Variants in ANAPC5 observed in about 807,000 individuals in gnomAD.
The protein encoded by ANAPC5 is anaphase promoting complex subunit 5, also known as anaphase-promoting complex subunit 5.
Under a neutral mutation model 91.3 loss-of-function variants are expected in ANAPC5, and 60 were observed. That is an observed-to-expected ratio of 0.66 (90% CI 0.53 to 0.81). ANAPC5 has a LOEUF of 0.81. Ranked by LOEUF, ANAPC5 falls within the 40% of genes least tolerant of loss-of-function variation. The pLI, the probability that ANAPC5 is intolerant of heterozygous loss-of-function variation, is 0.00. For missense variants in ANAPC5, 690 were observed against 931.5 expected (o/e 0.74, Z 3.37); for synonymous variants, 340 against 364.1 (o/e 0.93, Z 0.75).
At chr12:121,339,226 T>G (rs1209148389) in intron 5 of ANAPC5, among the ~76,000 whole-genome samples, 2 of 151,994 alleles carry the variant, frequency 1.3e-5, no homozygotes, top group Non-Finnish European at 2.9e-5. Context: ...ATTTTTTGTA[T>G]TTTCAGTAGA....
In ANAPC5 at chr12:121,328,481, C is replaced by T. The variant is rs1555272549; in HGVS notation, c.1139G>A (p.Gly380Glu). The T allele has an allele frequency of 2.5e-6, 4 of 1,613,768 alleles. No homozygotes were observed. The highest frequency in any genetic ancestry group is 3.4e-6 in the Non-Finnish European group (4 of 1,179,972). The change falls in exon 10 of 17, where the codon GGA becomes GAA. Residue 380 changes from glycine (G) to glutamate (E), a missense_variant. By Grantham distance (98) the Gly-to-Glu change is moderately conservative. Around this residue, in one of 5 missense-constraint regions of ANAPC5, gnomAD observed 16 missense variants for 49.5 expected, o/e 0.32. Transcript: ENST00000261819. ...TCTCTGTTGAACAAGGGACTGTATT[C>T]CCAGGGAGGCGAGGTACTAAGGGGA... ...HFGLPYLASL[G>E]IQSLVQQRAF...
intron 11 of ANAPC5, among the ~76,000 whole-genome samples, chr12:121,323,073 C>T (rs1400306259): frequency 6.6e-6 from 1 of 152,112 alleles, no homozygotes; most frequent in African/African-American, 2.4e-5. Flanking sequence ...GTGGAAATGA[C>T]AGGCACTTTT....
At chr12:121,351,989 G>T in intron 1 of ANAPC5, 145 bp downstream of exon 1, 1 of 759,470 alleles carries the variant, frequency 1.3e-6, no homozygotes. Flanking sequence ...TTAGCTACCG[G>T]TAGTAGCTAT....
At position 121,309,690 on chromosome 12, in the gene ANAPC5, C is replaced by G; in HGVS notation, c.2056+11G>C. The stretch of plus-strand genomic sequence containing the variant: ...ATAGCATTGCCTAACAGTCTTCGTA[C>G]AGCTTCCTACCTTCTGCTTTCTTCG... On this transcript the variant is annotated intron_variant, in intron 16 of 16. Coordinates refer to ENST00000261819, the MANE Select transcript of ANAPC5 (RefSeq NM_016237.5). 1 of 1,611,232 alleles carries G rather than the reference C, an allele frequency of 6.2e-7. No homozygotes were observed. Among genetic ancestry groups the G allele is most frequent in the Non-Finnish European group, 8.5e-7 (1 of 1,178,696 alleles).
intron 15 of ANAPC5, among the ~76,000 whole-genome samples, chr12:121,315,170 GT>G (rs1593574624): frequency 6.6e-6 from 1 of 152,002 alleles, no homozygotes; most frequent in East Asian, 1.9e-4. Flanking sequence ...AAAAATAAAT[GT>G]TTAAAAAAAT....
chr12:121,322,139 C>T (rs1428431861), intron 11 of ANAPC5, among the ~76,000 whole-genome samples: 1 of 150,694 alleles, frequency 6.6e-6, no homozygotes, highest in African/African-American at 2.4e-5. Context: ...GCTGGGATTA[C>T]AGGCGTGAGC....
At chr12:121,347,410 G>T in intron 2 of ANAPC5, 1 of 251,416 alleles carries the variant, frequency 4.0e-6, no homozygotes, top group Non-Finnish European at 7.6e-6. Context: ...CGGAGGGATT[G>T]CTTGAGCCCA....
At chr12:121,336,299 A>G (rs1455740136) in intron 6 of ANAPC5, among the ~76,000 whole-genome samples, 2 of 152,190 alleles carry the variant, frequency 1.3e-5, no homozygotes, top group Non-Finnish European at 2.9e-5. Flanking sequence ...TCCGAGTAAA[A>G]AATCCATTAA....
intron 15 of ANAPC5, 174 bp downstream of exon 15, chr12:121,318,103 C>G (rs577067075): frequency 4.5e-6 from 3 of 661,504 alleles, no homozygotes; most frequent in Admixed American, 4.1e-5. Flanking sequence ...CAGTTTGTCA[C>G]CAGGTTCACA....
intron 9 of ANAPC5, 76 bp from the exon 10 acceptor site, chr12:121,328,573 T>A: frequency 7.2e-7 from 1 of 1,386,432 alleles, no homozygotes; most frequent in Non-Finnish European, 1.0e-6. Flanking sequence ...AGAAATGTGG[T>A]GGATTTCACA....
chr12:121,345,519 G>A (rs1903631929), intron 4 of ANAPC5, among the ~76,000 whole-genome samples: 1 of 152,132 alleles, frequency 6.6e-6, no homozygotes, highest in South Asian at 2.1e-4. Flanking sequence ...ACCCCCTGAA[G>A]GAGTGCAGAA....
At chr12:121,347,044 C>G (rs782548790) in intron 2 of ANAPC5, 39 bp from the exon 3 acceptor site, 1 of 1,312,404 alleles carries the variant, frequency 7.6e-7, no homozygotes, top group Non-Finnish European at 1.1e-6. Context: ...TAGAAAGGCC[C>G]TTTGAATAAT....
In ANAPC5 at chr12:121,342,525, T is replaced by G. The variant is rs1903498035; in HGVS notation, c.591-456A>C. Among the ~76,000 whole-genome samples the G allele has an allele frequency of 1.3e-5, 2 of 152,064 alleles. No individual in the cohort carries two copies. Among genetic ancestry groups the G allele is most frequent in the Admixed American group, 1.3e-4 (2 of 15,270 alleles). ...CCACCTGCTAGTAATAAAAAATAAA[T>G]AATACATTTTTAAATAAAAAAAATT... On this transcript the variant is annotated intron_variant, in intron 4 of 16. Coordinates refer to ENST00000261819, the MANE Select transcript of ANAPC5 (RefSeq NM_016237.5). This position sits in a 1 kb window ranked among gnomAD's most constrained non-coding sequence, Gnocchi z 4.1.
rs758345264 is a variant in ANAPC5, at chr12:121,308,371, T to C, written c.*109A>G. The C allele has an allele frequency of 8.2e-5, 68 of 829,564 alleles. No individual in the cohort carries two copies. The highest frequency in any genetic ancestry group is 1.2e-4 in the Non-Finnish European group (62 of 520,548). The allele number at this position is 829,564 out of a possible 1,614,324, so 51.4% of individuals were successfully genotyped here. A position where few individuals can be genotyped will look rare whatever the true frequency, so the allele number is the denominator to read the frequency against. The stretch of plus-strand genomic sequence containing the variant: ...ATAAGACAAACTAATCAGAATGCTG[T>C]TTATTGACAAGATAGGGTGTCACAA... On this transcript the variant is annotated 3_prime_UTR_variant, in exon 17 of 17. Coordinates refer to ENST00000261819, the MANE Select transcript of ANAPC5 (RefSeq NM_016237.5).
chr12:121,330,500 C>A, intron 9 of ANAPC5, 83 bp downstream of exon 9: 28 of 1,108,786 alleles, frequency 2.5e-5, no homozygotes, highest in Non-Finnish European at 3.7e-5. Flanking sequence ...AAATCTATCG[C>A]TGGTTAATGA....
Position 121,342,824 on chromosome 12 carries a change from A to T in ANAPC5, c.591-755T>A, listed in dbSNP as rs1040956416. On this transcript the variant is annotated intron_variant, in intron 4 of 16. Transcript: ENST00000261819. The surrounding 1 kb of genome is among the most constrained non-coding windows in gnomAD (Gnocchi z 4.1). ...CAGCGAGCCAAGATCACGCCACTGC[A>T]CTCCAGCCTGGCGGCAGAGCGAGAC... Among the ~76,000 whole-genome samples the T allele has an allele frequency of 6.6e-6, 1 of 152,202 alleles. No homozygotes were observed. Among genetic ancestry groups the T allele is most frequent in the Non-Finnish European group, 1.5e-5 (1 of 68,036 alleles).
chr12:121,315,898 T>C (rs1216423272), intron 15 of ANAPC5, among the ~76,000 whole-genome samples: 1 of 152,130 alleles, frequency 6.6e-6, no homozygotes. Context: ...GTCAGTATCT[T>C]AGACATGATA....
chr12:121,342,498 T>G lies in ANAPC5; in HGVS notation c.591-429A>C, dbSNP rs189874449. Among the ~76,000 whole-genome samples the G allele has an allele frequency of 1.2e-3, 177 of 152,286 alleles. 1 individual carries two copies. Among genetic ancestry groups the G allele is most frequent in the Non-Finnish European group, 1.9e-3 (130 of 68,040 alleles). ...CCGTAAAACTCTTAGAAGATCTTCC[T>G]TCCACCTGCTAGTAATAAAAAATAA... is the stretch of plus-strand genomic sequence containing the variant. On this transcript the variant is annotated intron_variant, in intron 4 of 16. Coordinates refer to ENST00000261819, the MANE Select transcript of ANAPC5 (RefSeq NM_016237.5). The surrounding 1 kb of genome is among the most constrained non-coding windows in gnomAD (Gnocchi z 4.1).
At chr12:121,336,966 T>C (rs547138397) in intron 6 of ANAPC5, among the ~76,000 whole-genome samples, 1 of 152,296 alleles carries the variant, frequency 6.6e-6, no homozygotes, top group South Asian at 2.1e-4. Flanking sequence ...ACGCCTGTAA[T>C]CCCAACACTT....
Sources: gnomAD v4.1 joint callset for allele counts (sites outside exome capture counted in the v4.1 genomes callset) on GRCh38, gnomAD v4.1.1 for gene constraint, gnomAD v4.1.1 regional missense constraint, Gnocchi (gnomAD v3.1) non-coding constraint, MANE v1.5 for transcripts, NCBI Gene and HGNC (gene_info 2026-07-23, HGNC 2026-07-21) for gene names.